CRPPA: variants seen among roughly 807,000 people sequenced by gnomAD.
The protein encoded by CRPPA is CDP-L-ribitol pyrophosphorylase A.
A neutral mutation model predicts 52.0 loss-of-function variants in CRPPA; 43 were observed. That is an observed-to-expected ratio of 0.83 (90% CI 0.65 to 1.07). The LOEUF (loss-of-function observed/expected upper bound fraction) is 1.07. Ranked by LOEUF, CRPPA falls within the 50% of genes least tolerant of loss-of-function variation. The pLI is 0.00. For missense variants in CRPPA, 629 were observed against 551.7 expected, an observed-to-expected ratio of 1.14 and a Z score of -1.40; for synonymous variants, 250 against 203.5, an observed-to-expected ratio of 1.23 and a Z score of -1.94.
intron 3 of CRPPA, among the ~76,000 whole-genome samples, chr7:16,321,398 A>C (rs775028572): frequency 3.9e-5 from 6 of 152,136 alleles, no homozygotes; most frequent in Non-Finnish European, 8.8e-5. Context: ...CTTATATGAC[A>C]ACACTGAGTA....
chr7:16,164,680 G>A (rs1036827280), intron 9 of CRPPA, among the ~76,000 whole-genome samples: 2 of 152,052 alleles, frequency 1.3e-5, no homozygotes, highest in African/African-American at 2.4e-5. Flanking sequence ...GGTGACTTTC[G>A]GATGGGGTTT....
At chr7:16,246,671 A>T (rs1783284384) in intron 8 of CRPPA, among the ~76,000 whole-genome samples, 1 of 152,210 alleles carries the variant, frequency 6.6e-6, no homozygotes, top group Non-Finnish European at 1.5e-5. Context: ...TCCATCAAAG[A>T]TCTTGGGTAA....
chr7:16,225,976 C>T (rs971481948), intron 8 of CRPPA, among the ~76,000 whole-genome samples: 5 of 151,822 alleles, frequency 3.3e-5, no homozygotes, highest in Non-Finnish European at 7.4e-5. Context: ...AAAAAATATT[C>T]AAAAACATGA....
Position 16,286,097 on chromosome 7 carries a change from A to AAAAAAAAATATATAT in CRPPA, c.836-7872_836-7871insATATATATTTTTTTT. ...TATATATATAATATTTAAAAAAAAA[A>AAAAAAAAATATATAT]ATATATATATATATATATATGCCAA... On this transcript the variant is annotated intron_variant, in intron 5 of 9. Coordinates refer to ENST00000407010, the MANE Select transcript of CRPPA (RefSeq NM_001101426.4). Among the ~76,000 whole-genome samples the AAAAAAAAATATATAT allele has an allele frequency of 4.1e-4, 16 of 39,130 alleles. 1 individual carries two copies. Among genetic ancestry groups the AAAAAAAAATATATAT allele is most frequent in the Non-Finnish European group, 4.9e-4 (12 of 24,648 alleles). 25.7% of individuals were successfully genotyped at this position (39,130 alleles called of 152,430 possible).
chr7:16,397,138 T>A (rs764596536), intron 2 of CRPPA, among the ~76,000 whole-genome samples: 24 of 152,220 alleles, frequency 1.6e-4, no homozygotes, highest in Non-Finnish European at 2.2e-4. Flanking sequence ...AAGTTAGAGA[T>A]GCGTGTCTGA....
Position 16,261,017 on chromosome 7 carries a change from C to T in CRPPA, c.934-2005G>A, listed in dbSNP as rs188402284. Reference sequence around the variant, plus strand: ...AAGTTCTTTAAAAATAAAAACTCACCAAAAAATACTACATATAAATAATTA... The same window carrying T: ...AAGTTCTTTAAAAATAAAAACTCACTAAAAAATACTACATATAAATAATTA... On this transcript the variant is annotated intron_variant, in intron 6 of 9. Transcript: ENST00000407010. Among the ~76,000 whole-genome samples, 17 of 151,838 alleles carry T rather than the reference C, an allele frequency of 1.1e-4. No homozygotes were observed. In the East Asian group the frequency reaches 1.7e-3, roughly 16 times the overall value.
intron 3 of CRPPA, among the ~76,000 whole-genome samples, chr7:16,335,918 T>G (rs951850182): frequency 6.6e-6 from 1 of 152,206 alleles, no homozygotes; most frequent in African/African-American, 2.4e-5. Flanking sequence ...TTTTAGCAGA[T>G]TTCTTAACAG....
intron 9 of CRPPA, chr7:16,209,271 G>GTGTTTTTTTTTTTTTTTTTTTTT (rs1316167969): frequency 7.3e-6 from 1 of 137,736 alleles, no homozygotes; most frequent in Non-Finnish European, 1.6e-5. Context: ...GGTTCTAAGT[G>GTGTTTTTTTTTTTTTTTTTTTTT]TCTTTTTTTT....
At chr7:16,238,959 G>A (rs1184292593) in intron 8 of CRPPA, among the ~76,000 whole-genome samples, 2 of 152,078 alleles carry the variant, frequency 1.3e-5, no homozygotes, top group Middle Eastern at 3.4e-3. Flanking sequence ...CCAAAATGGT[G>A]AAACCCCGTC....
intron 8 of CRPPA, among the ~76,000 whole-genome samples, chr7:16,230,053 CT>C (rs1782752589): frequency 6.6e-6 from 1 of 151,916 alleles, no homozygotes; most frequent in African/African-American, 2.4e-5. Context: ...CTTTCTCTTG[CT>C]GCTTTCAGGA....
chr7:16,168,072 T>C (rs1562536125), intron 9 of CRPPA, among the ~76,000 whole-genome samples: 2 of 152,234 alleles, frequency 1.3e-5, no homozygotes, highest in Non-Finnish European at 2.9e-5. Context: ...CTTTGATGTG[T>C]TTCTTGGCAA....
At chr7:16,237,237 C>A (rs1290336533) in intron 8 of CRPPA, 1 of 152,066 alleles carries the variant, frequency 6.6e-6, no homozygotes, top group Admixed American at 6.6e-5. Flanking sequence ...AACTATCTGC[C>A]TTTGTTTTGC....
rs1361118919 is a variant in CRPPA at position 16,213,697 on chromosome 7, C to T, written c.1251+2369G>A. 2.7e-5 allele frequency among the ~76,000 whole-genome samples: 4 copies of T among 150,270 alleles called. No individual in the cohort carries two copies. In the South Asian group the frequency reaches 6.3e-4, roughly 24 times the overall value. ...CCAGGAGGTGGAGGTTGCAATGAGC[C>T]GAGATTGTGCCATTGCGCTCCAGCC... On this transcript the variant is annotated intron_variant, in intron 9 of 9. Coordinates refer to ENST00000407010, the MANE Select transcript of CRPPA (RefSeq NM_001101426.4).
intron 3 of CRPPA, among the ~76,000 whole-genome samples, chr7:16,369,762 G>C (rs1007017732): frequency 6.6e-6 from 1 of 152,130 alleles, no homozygotes; most frequent in Non-Finnish European, 1.5e-5. Flanking sequence ...GATTCACATT[G>C]TGATTTTTTT....
intron 5 of CRPPA, among the ~76,000 whole-genome samples, chr7:16,292,655 A>G (rs796111061): frequency 4.6e-5 from 7 of 152,002 alleles, no homozygotes; most frequent in Admixed American, 4.6e-4. Flanking sequence ...CAACTCCCTG[A>G]TTAATGTTAT....
At chr7:16,404,169 C>T (rs1325211393) in intron 2 of CRPPA, among the ~76,000 whole-genome samples, 1 of 152,094 alleles carries the variant, frequency 6.6e-6, no homozygotes, top group Non-Finnish European at 1.5e-5. Flanking sequence ...AAAAACAAGG[C>T]AATATTTCTA....
chr7:16,267,232 A>G (rs1039599746), intron 6 of CRPPA, among the ~76,000 whole-genome samples: 2 of 152,216 alleles, frequency 1.3e-5, no homozygotes, highest in Admixed American at 6.5e-5. Flanking sequence ...GACCATGTCA[A>G]TGACTAGACA....
chr7:16,381,267 G>A (rs1042180596), intron 2 of CRPPA, among the ~76,000 whole-genome samples: 2 of 152,158 alleles, frequency 1.3e-5, no homozygotes, highest in Admixed American at 1.3e-4. Flanking sequence ...TCATTCCGGA[G>A]CAGGTTGTTC....
rs1465190780 is a variant in CRPPA at position 16,378,914 on chromosome 7, G to A, written c.535-2673C>T. On this transcript the variant is annotated intron_variant, in intron 2 of 9. Transcript: ENST00000407010. The stretch of plus-strand genomic sequence containing the variant: ...TTTGGCTGCATAAACGTCTTCTTTT[G>A]AGAAGTGTCTGTTCATCTCCTTCAC... Among the ~76,000 whole-genome samples, 3 of 152,092 alleles carry A rather than the reference G, an allele frequency of 2.0e-5. No homozygotes were observed. In the East Asian group the frequency reaches 5.8e-4, roughly 29 times the overall value.
Sources: gnomAD v4.1 joint callset for allele counts (sites outside exome capture counted in the v4.1 genomes callset) on GRCh38, gnomAD v4.1.1 for gene constraint, MANE v1.5 for transcripts, NCBI Gene and HGNC (gene_info 2026-07-23, HGNC 2026-07-21) for gene names.